Variants in CRYBG1 observed in about 807,000 individuals in gnomAD.
CRYBG1 encodes crystallin beta-gamma domain containing 1.
In CRYBG1, 139 loss-of-function variants were observed where a neutral mutation model predicts 189.2. The observed-to-expected ratio is 0.73, with a 90% confidence interval of 0.64 to 0.85. CRYBG1 has a LOEUF of 0.85. Ranked by LOEUF, CRYBG1 falls within the 40% of genes least tolerant of loss-of-function variation. The pLI is 0.00. For missense variants in CRYBG1, 2,611 were observed against 2,675.8 expected, an observed-to-expected ratio of 0.98 and a Z score of 0.53; for synonymous variants, 1,023 against 1,017.1, an observed-to-expected ratio of 1.01 and a Z score of -0.11.
chr6:106,493,031 A>G (rs779192348), intron 2 of CRYBG1, among the ~76,000 whole-genome samples: 1 of 150,830 alleles, frequency 6.6e-6, no homozygotes, highest in Non-Finnish European at 1.5e-5. Flanking sequence ...ATCCTTTTAC[A>G]TAGACTTACA....
In CRYBG1 at chr6:106,361,065, C is replaced by A. The variant is rs1171059489; in HGVS notation, c.157C>A (p.Pro53Thr). Residue 53 changes from proline (P) to threonine (T), a missense_variant, in exon 1 of 22, where the codon CCT (proline) becomes ACT (threonine). Physicochemically the swap from Pro to Thr is conservative, Grantham distance 38 (BLOSUM62 -1). This residue lies in a region of CRYBG1 where 985 missense variants were observed against 924.4 expected (regional missense o/e 1.07). Coordinates refer to ENST00000633556, the MANE Select transcript of CRYBG1 (RefSeq NM_001371242.2). ...GVFVPHPLPA[P>T]AGEARALDVV... is the part of the protein sequence containing the mutation. ...GTTCGTTCCGCACCCGCTCCCGGCGCCTGCCGGAGAGGCCAGGTGAGCTCC... is the reference window on the plus strand; with the variant it reads ...GTTCGTTCCGCACCCGCTCCCGGCGACTGCCGGAGAGGCCAGGTGAGCTCC... The A allele has an allele frequency of 6.5e-7, 1 of 1,535,074 alleles. No individual in the cohort carries two copies. The highest frequency in any genetic ancestry group is 2.4e-5 in the East Asian group (1 of 40,896).
In CRYBG1 at chr6:106,544,817, C is replaced by G; in HGVS notation, c.5196C>G (p.Tyr1732Ter). Residue 1732 changes from tyrosine (Y) to a stop codon, truncating the protein, a stop_gained, in exon 13 of 22, where the codon TAC becomes TAG. Transcript: ENST00000633556. LOFTEE classifies it high-confidence loss of function. ...TTTCAAATGCTCACATGATAATGTA[C>G]AGTGAAAAAAACTTTGGATCCAAAG... ...GDFSNAHMIM[Y>*]SEKNFGSKGS... is the part of the protein sequence containing the mutation. 6.2e-7 allele frequency: 1 copy of G among 1,608,264 alleles called. No homozygotes were observed. The highest frequency in any genetic ancestry group is 1.1e-5 in the South Asian group (1 of 89,746).
chr6:106,555,717 G>T, intron 16 of CRYBG1, 51 bp from the exon 17 acceptor site: 1 of 1,595,706 alleles, frequency 6.3e-7, no homozygotes, highest in Non-Finnish European at 8.6e-7. Context: ...TCTTGAATAG[G>T]AGTGCTCAAG....
At chr6:106,545,528 G>A (rs1774248134) in intron 13 of CRYBG1, among the ~76,000 whole-genome samples, 1 of 152,240 alleles carries the variant, frequency 6.6e-6, no homozygotes, top group Non-Finnish European at 1.5e-5. Flanking sequence ...AAGTCCTGGA[G>A]AAGATTTTGC....
chr6:106,549,090 T>C (rs1011316415), intron 13 of CRYBG1, among the ~76,000 whole-genome samples: 3 of 152,132 alleles, frequency 2.0e-5, no homozygotes, highest in African/African-American at 4.8e-5. Context: ...TTTTTATGGC[T>C]GCATAGTATT....
intron 18 of CRYBG1, among the ~76,000 whole-genome samples, 157 bp downstream of exon 18, chr6:106,558,782 G>A (rs1042044487): frequency 2.0e-5 from 3 of 152,126 alleles, no homozygotes; most frequent in South Asian, 2.1e-4. Context: ...GGGCAACAAA[G>A]TGAGACCCCA....
chr6:106,383,311 C>T (rs139004071), intron 1 of CRYBG1, among the ~76,000 whole-genome samples: 274 of 152,204 alleles, frequency 1.8e-3, no homozygotes, highest in African/African-American at 6.2e-3. Flanking sequence ...GTTTGAGAAC[C>T]AAGGATCTAG....
intron 2 of CRYBG1, among the ~76,000 whole-genome samples, chr6:106,491,016 A>G (rs1436859658): frequency 6.6e-6 from 1 of 152,248 alleles, no homozygotes; most frequent in Non-Finnish European, 1.5e-5. Flanking sequence ...CTCCTCTTGC[A>G]AGAGAATTTC....
intron 4 of CRYBG1, among the ~76,000 whole-genome samples, chr6:106,523,293 T>C (rs1379988078): frequency 6.6e-6 from 1 of 152,178 alleles, no homozygotes; most frequent in Non-Finnish European, 1.5e-5. Flanking sequence ...AATCATAAAA[T>C]TCTAACTATT....
At chr6:106,549,477 G>T (rs776419793) in intron 13 of CRYBG1, among the ~76,000 whole-genome samples, 1 of 152,130 alleles carries the variant, frequency 6.6e-6, no homozygotes, top group Admixed American at 6.5e-5. Flanking sequence ...CAGTGCTCAC[G>T]CCTGTAATCC....
rs866202166 is a variant in CRYBG1, at chr6:106,529,991, C to T, written c.4579-185C>T. Among the ~76,000 whole-genome samples, 6 of 152,212 alleles carry T rather than the reference C, an allele frequency of 3.9e-5. No homozygotes were observed. The Middle Eastern group carries it at 0.01, about 261-fold the overall frequency. On this transcript the variant is annotated intron_variant, in intron 7 of 21. Transcript: ENST00000633556. The stretch of plus-strand genomic sequence containing the variant: ...ATAACTAAAGCAAGTGTGTCTGCCC[C>T]GAAATAGGTGTATTATTAATTCATG...
intron 2 of CRYBG1, among the ~76,000 whole-genome samples, chr6:106,470,810 C>T (rs1772218808): frequency 6.6e-6 from 1 of 152,126 alleles, no homozygotes; most frequent in South Asian, 2.1e-4. Flanking sequence ...TGGCACTGTA[C>T]AGTCATTAAT....
At chr6:106,378,240 C>T (rs1289545597) in intron 1 of CRYBG1, among the ~76,000 whole-genome samples, 2 of 152,200 alleles carry the variant, frequency 1.3e-5, no homozygotes, top group African/African-American at 2.4e-5. Flanking sequence ...TTTCCCCTAC[C>T]TTGTGTCCAT....
chr6:106,414,663 T>TATTG (rs1198156778), intron 1 of CRYBG1, among the ~76,000 whole-genome samples: 1 of 152,178 alleles, frequency 6.6e-6, no homozygotes, highest in Admixed American at 6.5e-5. Flanking sequence ...CTGCAGGCAA[T>TATTG]GTTAAGTATG....
At chr6:106,492,034 T>G (rs1414301970) in intron 2 of CRYBG1, among the ~76,000 whole-genome samples, 2 of 152,196 alleles carry the variant, frequency 1.3e-5, no homozygotes, top group Admixed American at 6.5e-5. Flanking sequence ...GGCCCTCATC[T>G]TATTAAATCC....
chr6:106,416,691 C>CT (rs1172964469), intron 1 of CRYBG1, among the ~76,000 whole-genome samples: 2 of 152,168 alleles, frequency 1.3e-5, no homozygotes, highest in Non-Finnish European at 2.9e-5. Context: ...AAGTGAAAAA[C>CT]TAGAACCATC....
intron 2 of CRYBG1, among the ~76,000 whole-genome samples, chr6:106,510,522 C>CCCGGCACCCTCGCATAGGTGGG (rs1284846799): frequency 6.6e-6 from 1 of 152,246 alleles, no homozygotes; most frequent in Non-Finnish European, 1.5e-5. Flanking sequence ...TCGCAGGCGG[C>CCCGGCACCCTCGCATAGGTGGG]CCGGCACCCT....
chr6:106,567,339 T>C (rs1408130890), intron 21 of CRYBG1, among the ~76,000 whole-genome samples: 1 of 152,172 alleles, frequency 6.6e-6, no homozygotes, highest in Admixed American at 6.5e-5. Context: ...TTGTATTCTA[T>C]AGTACATCTA....
chr6:106,374,099 T>C (rs900824530), intron 1 of CRYBG1, among the ~76,000 whole-genome samples: 3 of 152,206 alleles, frequency 2.0e-5, no homozygotes, highest in African/African-American at 7.2e-5. Context: ...AGACACCTGC[T>C]GTATGTGAGG....
Sources: gnomAD v4.1 joint callset for allele counts (sites outside exome capture counted in the v4.1 genomes callset) on GRCh38, gnomAD v4.1.1 for gene constraint, gnomAD v4.1.1 regional missense constraint, MANE v1.5 for transcripts, NCBI Gene and HGNC (gene_info 2026-07-23, HGNC 2026-07-21) for gene names.